The following TAOK1 variants were observed in gnomAD, a reference collection of about 807,000 sequenced individuals.
The protein encoded by TAOK1 is TAO kinase 1, also known as serine/threonine-protein kinase TAO1.
TAOK1 carries 21 observed loss-of-function variants against 138.3 expected under a neutral mutation model. The ratio of observed to expected loss-of-function variants is 0.15; its 90% CI spans 0.11 to 0.22. The LOEUF is 0.22. Among genes scored for constraint, TAOK1 ranks in the 10% least tolerant of loss-of-function variants. The pLI, the probability that TAOK1 is intolerant of heterozygous loss-of-function variation, is 1.00. For synonymous variants in TAOK1, 361 were observed against 398.4 expected, an observed-to-expected ratio of 0.91 and a Z score of 1.12; for missense variants, 651 against 1,227.7, an observed-to-expected ratio of 0.53 and a Z score of 7.02.
rs1284794516 is a variant in TAOK1, at chr17:29,490,950, C to T, written c.750-834C>T. Among the ~76,000 whole-genome samples, 3 of 152,164 alleles carry T rather than the reference C, an allele frequency of 2.0e-5. No homozygotes were observed. The East Asian group carries it at 5.8e-4, about 29-fold the overall frequency. ...ATAGCAGAATTAATCCATTCATGAC[C>T]TGAACAACTCGCATTAGGCCCCACC... On this transcript the variant is annotated intron_variant, in intron 9 of 19. Transcript: ENST00000261716.
chr17:29,523,074 CAA>C (rs35989910), intron 17 of TAOK1, among the ~76,000 whole-genome samples: 21,743 of 110,868 alleles, frequency 0.2, 1,643 homozygotes, highest in Admixed American at 0.24. Flanking sequence ...GACCCTGTCT[CAA>C]AAAAAAAAAA....
At chr17:29,468,051 T>C (rs935828162) in intron 3 of TAOK1, among the ~76,000 whole-genome samples, 3 of 150,600 alleles carry the variant, frequency 2.0e-5, no homozygotes, top group South Asian at 2.1e-4. Context: ...GGTCTCAAAC[T>C]CCTGACTTCA....
chr17:29,525,833 C>G (rs879623087), intron 17 of TAOK1, among the ~76,000 whole-genome samples: 4 of 152,166 alleles, frequency 2.6e-5, no homozygotes, highest in Non-Finnish European at 5.9e-5. Context: ...CTCGTCTCTA[C>G]TAAAAATACA....
chr17:29,508,232 C>A, intron 14 of TAOK1, 100 bp downstream of exon 14: 1 of 1,001,204 alleles, frequency 1.0e-6, no homozygotes, highest in Non-Finnish European at 1.5e-6. Context: ...TTCCCGTGAA[C>A]CAAGCAAATT....
chr17:29,519,279 G>C (rs1598519114), intron 16 of TAOK1, among the ~76,000 whole-genome samples: 1 of 152,156 alleles, frequency 6.6e-6, no homozygotes, highest in Admixed American at 6.5e-5. Context: ...GGGAGGCCAA[G>C]GCAGGTGGAT....
chr17:29,450,260 A>C (rs759036501), intron 1 of TAOK1, among the ~76,000 whole-genome samples: 1 of 151,924 alleles, frequency 6.6e-6, no homozygotes, highest in Non-Finnish European at 1.5e-5. Flanking sequence ...CTAATTTTGT[A>C]ATTTTTTTGT....
intron 16 of TAOK1, among the ~76,000 whole-genome samples, 167 bp from the exon 17 acceptor site, chr17:29,522,113 A>G (rs1598520544): frequency 6.6e-6 from 1 of 152,218 alleles, no homozygotes; most frequent in East Asian, 1.9e-4. Flanking sequence ...TGTGCTACTA[A>G]TTGCCCATTT....
At position 29,390,729 on chromosome 17, in the gene TAOK1, G is replaced by A. The variant is rs1904388283; in HGVS notation, c.-390G>A. On this transcript the variant is annotated 5_prime_UTR_variant, in exon 1 of 20. Coordinates refer to ENST00000261716, the MANE Select transcript of TAOK1 (RefSeq NM_020791.4). ...GGCCGAGGCCCGGGCCGGTTCCCCC[G>A]AGGCGGCGACGGAGACGGCTCCCGG... 6.6e-6 allele frequency: 1 copy of A among 152,322 alleles called. No homozygotes were observed. Among genetic ancestry groups the A allele is most frequent in the Admixed American group, 6.5e-5 (1 of 15,286 alleles). 9.4% of individuals were successfully genotyped at this position (152,322 alleles called of 1,614,324 possible).
At position 29,544,040 on chromosome 17, in the gene TAOK1, C is replaced by T. The variant is rs1381775633; in HGVS notation, c.*1018C>T. 1 of 152,528 alleles carries T rather than the reference C, an allele frequency of 6.6e-6. No homozygotes were observed. The highest frequency in any genetic ancestry group is 1.5e-5 in the Non-Finnish European group (1 of 68,032). 9.4% of individuals were successfully genotyped at this position (152,528 alleles called of 1,614,324 possible). A position where few individuals can be genotyped will look rare whatever the true frequency, so the allele number is the denominator to read the frequency against. On this transcript the variant is annotated 3_prime_UTR_variant, in exon 20 of 20. Coordinates refer to ENST00000261716, the MANE Select transcript of TAOK1 (RefSeq NM_020791.4). ...AAACAGTACTTTTACTTTGTTTGTA[C>T]AAAAACAAAGACATATAGCCAATAC...
At chr17:29,419,492 AT>A (rs34608877) in intron 1 of TAOK1, among the ~76,000 whole-genome samples, 296 of 137,606 alleles carry the variant, frequency 2.2e-3, no homozygotes, top group Admixed American at 2.4e-3. Context: ...GCCCGGCAGT[AT>A]TTTTTTTTTT....
chr17:29,427,911 G>C (rs376319434), intron 1 of TAOK1, among the ~76,000 whole-genome samples: 1 of 131,682 alleles, frequency 7.6e-6, no homozygotes, highest in African/African-American at 3.1e-5. Flanking sequence ...GGGCAACAGC[G>C]TGAGACTCTG....
At chr17:29,488,342 G>T (rs186537531) in intron 8 of TAOK1, among the ~76,000 whole-genome samples, 3 of 151,938 alleles carry the variant, frequency 2.0e-5, no homozygotes, top group Non-Finnish European at 4.4e-5. Context: ...AGGCCGAGAC[G>T]GGTAGATCAC....
chr17:29,468,135 A>ATTTTTTTTTTTTTTTTTTTTTTTT lies in TAOK1; in HGVS notation c.204+936_204+937insTTTTTTTTTTTTTTTTTTTTTTTT, dbSNP rs761962930. On this transcript the variant is annotated intron_variant, in intron 3 of 19. Transcript: ENST00000261716. Reference sequence around the variant, plus strand: ...AACCACTGTGCTTGGCCTGCTTTCAATTTTTTTTTTTTTTTTTAGGAGCTG... The same window carrying ATTTTTTTTTTTTTTTTTTTTTTTT: ...AACCACTGTGCTTGGCCTGCTTTCAATTTTTTTTTTTTTTTTTTTTTTTTTTTTTTTTTTTTTTTTTAGGAGCTG... 3.7e-3 allele frequency among the ~76,000 whole-genome samples: 284 copies of ATTTTTTTTTTTTTTTTTTTTTTTT among 76,032 alleles called. 67 individuals are homozygous for ATTTTTTTTTTTTTTTTTTTTTTTT. The highest frequency in any genetic ancestry group is 0.029 in the East Asian group (43 of 1,496). The allele number at this position is 76,032 out of a possible 152,430, so 49.9% of individuals were successfully genotyped here. A position where few individuals can be genotyped will look rare whatever the true frequency, so the allele number is the denominator to read the frequency against.
At chr17:29,394,005 T>G (rs1271503881) in intron 1 of TAOK1, among the ~76,000 whole-genome samples, 2 of 152,096 alleles carry the variant, frequency 1.3e-5, no homozygotes. Context: ...ATAAACTTTC[T>G]GTATAACAAG....
chr17:29,502,723 G>A lies in TAOK1; in HGVS notation c.1338G>A (p.Leu446=), dbSNP rs2031552844. The A allele has an allele frequency of 6.2e-7, 1 of 1,610,214 alleles. No individual in the cohort carries two copies. Among genetic ancestry groups the A allele is most frequent in the South Asian group, 1.1e-5 (1 of 89,654 alleles). The change falls in exon 13 of 20, where the codon CTG becomes CTA. Residue 446 remains leucine (L), a splice_region_variant and synonymous_variant. Coordinates refer to ENST00000261716, the MANE Select transcript of TAOK1 (RefSeq NM_020791.4). Reference sequence around the variant, plus strand: ...TTGCTACTATACGGACAGCATCACTGGTATGTACTTACCCGAATTAGAGAT... The same window carrying A: ...TTGCTACTATACGGACAGCATCACTAGTATGTACTTACCCGAATTAGAGAT... ...EHFATIRTAS[L]VTRQMQEHEQ...
At chr17:29,443,767 G>A (rs752071628) in intron 1 of TAOK1, among the ~76,000 whole-genome samples, 9 of 152,092 alleles carry the variant, frequency 5.9e-5, no homozygotes, top group Non-Finnish European at 1.3e-4. Context: ...AATGAAAATC[G>A]TATATGCTGT....
rs942206748 is a variant in TAOK1, at chr17:29,480,397, C to G, written c.479C>G (p.Thr160Arg). The change falls in exon 7 of 20, where the codon ACA (threonine) becomes AGA (arginine). Residue 160 changes from threonine to arginine, a missense_variant. Physicochemically the swap from Thr to Arg is moderately conservative, Grantham distance 71. Transcript: ENST00000261716. The part of the protein sequence containing the change: ...RDIKAGNILL[T>R]EPGQVKLADF... Reference sequence around the variant, plus strand: ...ATCAAAGCAGGAAATATCCTTCTGACAGAACCAGGCCAGGTGAAACTTGCT... The same window carrying G: ...ATCAAAGCAGGAAATATCCTTCTGAGAGAACCAGGCCAGGTGAAACTTGCT... 1 of 1,612,758 alleles carries G rather than the reference C, an allele frequency of 6.2e-7. No individual in the cohort carries two copies. The highest frequency in any genetic ancestry group is 8.5e-7 in the Non-Finnish European group (1 of 1,179,086).
chr17:29,450,754 G>A (rs1170182744), intron 1 of TAOK1, among the ~76,000 whole-genome samples: 3 of 152,096 alleles, frequency 2.0e-5, no homozygotes, highest in Admixed American at 6.6e-5. Flanking sequence ...GGTCTCAAGC[G>A]ATCCTCCTGC....
In TAOK1 at chr17:29,542,856, C is replaced by A. The variant is rs1489340062; in HGVS notation, c.2840C>A (p.Pro947His). 6.2e-7 allele frequency: 1 copy of A among 1,614,046 alleles called. No homozygotes were observed. The highest frequency in any genetic ancestry group is 8.5e-7 in the Non-Finnish European group (1 of 1,179,984). ...GGTGGACCCCAGCCATGGGGTCACCCTTCAGGGCCAATGCAAGGGGTACCT... is the reference window on the plus strand; with the variant it reads ...GGTGGACCCCAGCCATGGGGTCACCATTCAGGGCCAATGCAAGGGGTACCT... ...MQGGPQPWGH[P>H]SGPMQGVPRG... The change falls in exon 20 of 20, where the codon CCT becomes CAT. Residue 947 changes from proline (P) to histidine (H), a missense_variant. Transcript: ENST00000261716.
Sources: gnomAD v4.1 joint callset for allele counts (sites outside exome capture counted in the v4.1 genomes callset) on GRCh38, gnomAD v4.1.1 for gene constraint, MANE v1.5 for transcripts, NCBI Gene and HGNC (gene_info 2026-07-23, HGNC 2026-07-21) for gene names.